CDH12: variants seen among roughly 807,000 people sequenced by gnomAD.
The protein encoded by CDH12 is cadherin 12.
In CDH12, 41 loss-of-function variants were observed where a neutral mutation model predicts 74.1. The ratio of observed to expected loss-of-function variants is 0.55; its 90% CI spans 0.43 to 0.72. The LOEUF is 0.72. Among genes scored for constraint, CDH12 ranks in the 30% least tolerant of loss-of-function variants. CDH12 has a pLI of 0.00. For missense variants in CDH12, 945 were observed against 977.2 expected, an observed-to-expected ratio of 0.97 and a Z score of 0.44; for synonymous variants, 399 against 355.0, an observed-to-expected ratio of 1.12 and a Z score of -1.39.
intron 1 of CDH12, among the ~76,000 whole-genome samples, chr5:22,789,075 G>A (rs1041522504): frequency 6.6e-6 from 1 of 151,934 alleles, no homozygotes; most frequent in Admixed American, 6.6e-5. Flanking sequence ...TTTATTTTGA[G>A]TTTTCTTGAA....
intron 5 of CDH12, among the ~76,000 whole-genome samples, chr5:22,054,054 T>G (rs1740571564): frequency 6.6e-6 from 1 of 152,108 alleles, no homozygotes; most frequent in Non-Finnish European, 1.5e-5. Flanking sequence ...TATTATTTAC[T>G]TGGTTGTGCT....
chr5:22,071,808 T>C (rs2150217382), intron 5 of CDH12, among the ~76,000 whole-genome samples: 1 of 152,264 alleles, frequency 6.6e-6, no homozygotes, highest in Non-Finnish European at 1.5e-5. Context: ...ATTTCTTACT[T>C]GAGTCCCAAA....
chr5:22,721,404 C>T (rs1388473916), intron 1 of CDH12, among the ~76,000 whole-genome samples: 2 of 152,244 alleles, frequency 1.3e-5, no homozygotes, highest in African/African-American at 2.4e-5. Flanking sequence ...TTGTTTTGGC[C>T]AATTTCTCCC....
Position 22,477,134 on chromosome 5 carries a change from T to C in CDH12, c.-428+28136A>G, listed in dbSNP as rs111448800. 6.2e-3 allele frequency among the ~76,000 whole-genome samples: 947 copies of C among 152,334 alleles called. 12 individuals are homozygous for C. Among genetic ancestry groups the C allele is most frequent in the African/African-American group, 0.021 (878 of 41,580 alleles). ...GGAGTACAAGTGCAGGTTTGTTACA[T>C]AGGTAAACTTGTGTCATGGGGTTTT... On this transcript the variant is annotated intron_variant, in intron 2 of 14. Transcript: ENST00000382254.
intron 6 of CDH12, among the ~76,000 whole-genome samples, chr5:21,881,126 GA>G (rs1319892747): frequency 1.3e-5 from 2 of 151,606 alleles, no homozygotes; most frequent in African/African-American, 4.8e-5. Flanking sequence ...AAAAATGAAT[GA>G]AAAAGAAAAA....
chr5:21,950,757 T>TTATTATTA (rs1554047073), intron 6 of CDH12, among the ~76,000 whole-genome samples: 1 of 137,006 alleles, frequency 7.3e-6, no homozygotes, highest in East Asian at 2.1e-4. Flanking sequence ...TAAATTTTAT[T>TTATTATTA]TTATTATTAT....
chr5:22,108,353 A>G (rs769198435), intron 4 of CDH12, among the ~76,000 whole-genome samples: 1 of 152,208 alleles, frequency 6.6e-6, no homozygotes, highest in Non-Finnish European at 1.5e-5. Flanking sequence ...TCCTTTATAA[A>G]TTACCCAGTG....
intron 8 of CDH12, among the ~76,000 whole-genome samples, chr5:21,823,544 C>T (rs992172526): frequency 2.6e-5 from 4 of 151,924 alleles, no homozygotes; most frequent in Admixed American, 2.6e-4. Flanking sequence ...TGAGGAAAAC[C>T]ATAGAGAAGC....
At chr5:21,810,777 T>C (rs1460624178) in intron 9 of CDH12, among the ~76,000 whole-genome samples, 2 of 152,128 alleles carry the variant, frequency 1.3e-5, no homozygotes, top group Admixed American at 6.6e-5. Context: ...TTAGGTACAT[T>C]AGCGTGGCTA....
chr5:22,469,886 T>C (rs1745887141), intron 2 of CDH12, among the ~76,000 whole-genome samples: 1 of 152,204 alleles, frequency 6.6e-6, no homozygotes, highest in African/African-American at 2.4e-5. Context: ...TTCTAATATT[T>C]TCCTGCCAGA....
At chr5:21,918,120 T>C in intron 6 of CDH12, among the ~76,000 whole-genome samples, 1 of 148,462 alleles carries the variant, frequency 6.7e-6, no homozygotes, top group South Asian at 2.2e-4. Context: ...ATAATATATA[T>C]ATGCTGATAC....
intron 10 of CDH12, among the ~76,000 whole-genome samples, chr5:21,801,711 T>C (rs911375288): frequency 6.6e-6 from 1 of 152,148 alleles, no homozygotes; most frequent in African/African-American, 2.4e-5. Context: ...CTGGAAAAAA[T>C]GACATGCAAA....
At chr5:22,090,362 A>G (rs1743336177) in intron 4 of CDH12, among the ~76,000 whole-genome samples, 2 of 151,948 alleles carry the variant, frequency 1.3e-5, no homozygotes, top group South Asian at 4.2e-4. Flanking sequence ...TAGGACTATA[A>G]CACATAAAGA....
chr5:21,751,623 TG>T lies in CDH12; in HGVS notation c.*113del. ...TCTTGTCCCAGAGTGTGTGTGTGTG[TG>T]TGTGTGTTTGTGTGTGTGTGTGTGT... is the stretch of plus-strand genomic sequence containing the variant. On this transcript the variant is annotated 3_prime_UTR_variant, in exon 15 of 15. Transcript: ENST00000382254. The T allele has an allele frequency of 2.8e-6, 2 of 702,550 alleles. No individual in the cohort carries two copies. The highest frequency in any genetic ancestry group is 2.7e-5 in the Admixed American group (1 of 37,622). 43.5% of individuals were successfully genotyped at this position (702,550 alleles called of 1,614,324 possible). A position where few individuals can be genotyped will look rare whatever the true frequency, so the allele number is the denominator to read the frequency against.
intron 5 of CDH12, among the ~76,000 whole-genome samples, chr5:21,999,353 T>C (rs1736473194): frequency 6.6e-6 from 1 of 152,182 alleles, no homozygotes; most frequent in African/African-American, 2.4e-5. Context: ...TCTAATATTG[T>C]CTGATTCAAA....
At chr5:22,681,903 CTTT>C (rs1173006599) in intron 1 of CDH12, among the ~76,000 whole-genome samples, 4 of 151,974 alleles carry the variant, frequency 2.6e-5, no homozygotes, top group African/African-American at 9.7e-5. Flanking sequence ...TAATAGTTAT[CTTT>C]CAGTTTGGTT....
chr5:21,924,588 TC>T (rs1754506342), intron 6 of CDH12, among the ~76,000 whole-genome samples: 1 of 152,184 alleles, frequency 6.6e-6, no homozygotes, highest in South Asian at 2.1e-4. Flanking sequence ...TTATCTTCAG[TC>T]CTGTCTAAGT....
chr5:22,093,461 C>T (rs1308741035), intron 4 of CDH12, among the ~76,000 whole-genome samples: 2 of 152,000 alleles, frequency 1.3e-5, no homozygotes, highest in African/African-American at 4.8e-5. Context: ...AGTCCTCATG[C>T]CTGCTACAAT....
intron 3 of CDH12, among the ~76,000 whole-genome samples, chr5:22,341,943 T>A (rs1416214622): frequency 6.6e-6 from 1 of 151,798 alleles, no homozygotes; most frequent in Non-Finnish European, 1.5e-5. Context: ...AAAAAAAACA[T>A]AACTGGCAGC....
Sources: gnomAD v4.1 joint callset for allele counts (sites outside exome capture counted in the v4.1 genomes callset) on GRCh38, gnomAD v4.1.1 for gene constraint, MANE v1.5 for transcripts, NCBI Gene and HGNC (gene_info 2026-07-23, HGNC 2026-07-21) for gene names.